The following TRAF6 variants were observed in gnomAD, a reference collection of about 807,000 sequenced individuals.
The protein encoded by TRAF6 is TNF receptor associated factor 6.
In TRAF6, 10 loss-of-function variants were observed where a neutral mutation model predicts 48.4. The ratio of observed to expected loss-of-function variants is 0.21; its 90% confidence interval spans 0.13 to 0.35. The LOEUF (loss-of-function observed/expected upper bound fraction) is 0.35, where lower values mean the gene tolerates loss of function less well. Ranked by LOEUF, TRAF6 falls within the 10% of genes least tolerant of loss-of-function variation. The probability of loss-of-function intolerance (pLI) is 1.00; values close to 1 mark genes in which losing one functional copy is unlikely to be tolerated. For synonymous variants in TRAF6, 186 were observed against 219.6 expected (o/e 0.85, Z 1.35); for missense variants, 397 against 661.0 (o/e 0.60, Z 4.38).
chr11:36,488,674 C>T lies in TRAF6; in HGVS notation c.*1164G>A, dbSNP rs2133662646. The T allele has an allele frequency of 6.6e-6, 1 of 152,306 alleles. No individual in the cohort carries two copies. The highest frequency in any genetic ancestry group is 2.1e-4 in the South Asian group (1 of 4,828). 9.4% of individuals were successfully genotyped at this position (152,306 alleles called of 1,614,324 possible). ...AAATCTGGTTACTTCCAGGATTCTA[C>T]AGGATCCTTCTCAGAACCTGCAGTT... On this transcript the variant is annotated 3_prime_UTR_variant, in exon 7 of 7. Transcript: ENST00000526995.
rs1392382813 is a variant in TRAF6, at chr11:36,484,216, A to C, written c.*5622T>G. Among the ~76,000 whole-genome samples the C allele has an allele frequency of 1.3e-5, 2 of 152,322 alleles. No homozygotes were observed. Among genetic ancestry groups the C allele is most frequent in the African/African-American group, 4.8e-5 (2 of 41,570 alleles). On this transcript the variant is annotated 3_prime_UTR_variant, in exon 7 of 7. Coordinates refer to ENST00000526995, the MANE Select transcript of TRAF6 (RefSeq NM_004620.4). ...GAGTGGTGGAAGATGTGCCACCTCA[A>C]ATCTGGATAATTCCTTTAATCCCTT...
chr11:36,501,597 CAT>C (rs796795129), intron 1 of TRAF6, 60 bp from the exon 2 acceptor site: 3 of 1,214,838 alleles, frequency 2.5e-6, no homozygotes, highest in East Asian at 4.9e-5. Context: ...ACACCCCACA[CAT>C]ATATATCATA....
intron 1 of TRAF6, among the ~76,000 whole-genome samples, chr11:36,503,825 C>A (rs758848920): frequency 6.6e-6 from 1 of 152,052 alleles, no homozygotes; most frequent in East Asian, 1.9e-4. Context: ...GGGTATATAT[C>A]CTTTGTTATT....
intron 6 of TRAF6, among the ~76,000 whole-genome samples, chr11:36,491,022 T>C (rs898862337): frequency 1.3e-5 from 2 of 152,330 alleles, no homozygotes; most frequent in South Asian, 4.1e-4. Context: ...TACTCAGTGA[T>C]TTTTCTTCAT....
chr11:36,501,711 TAA>T (rs1001490281), intron 1 of TRAF6, 174 bp from the exon 2 acceptor site: 2 of 425,690 alleles, frequency 4.7e-6, no homozygotes, highest in African/African-American at 4.0e-5. Context: ...ATGACTATTA[TAA>T]GTTACCTGAT....
intron 2 of TRAF6, among the ~76,000 whole-genome samples, chr11:36,498,926 G>T (rs939271282): frequency 6.6e-5 from 10 of 152,272 alleles, no homozygotes; most frequent in Middle Eastern, 3.4e-3. Flanking sequence ...GCTGAATAAG[G>T]TATTTTGATT....
intron 3 of TRAF6, 54 bp from the exon 4 acceptor site, chr11:36,497,320 T>C (rs1389221665): frequency 2.6e-6 from 4 of 1,525,842 alleles, no homozygotes; most frequent in Admixed American, 2.0e-5. Context: ...GTCTTCTACA[T>C]ATAAGCTCTC....
intron 2 of TRAF6, 73 bp from the exon 3 acceptor site, chr11:36,498,713 A>G: frequency 6.9e-7 from 1 of 1,440,250 alleles, no homozygotes; most frequent in Non-Finnish European, 9.3e-7. Context: ...TTAATTCACC[A>G]TATATAAATT....
rs1220624835 is a variant in TRAF6, at chr11:36,509,459, C to T, written c.-23+589G>A. ...TTTTTAAACTCGCTGCCTGAGACTTCTATAGAGTTCAACAGGGAATCCAAA... is the reference window on the plus strand; with the variant it reads ...TTTTTAAACTCGCTGCCTGAGACTTTTATAGAGTTCAACAGGGAATCCAAA... On this transcript the variant is annotated intron_variant, in intron 1 of 6. Transcript: ENST00000526995. 3.3e-5 allele frequency among the ~76,000 whole-genome samples: 5 copies of T among 151,530 alleles called. No homozygotes were observed. The East Asian group carries it at 9.7e-4, about 29-fold the overall frequency.
chr11:36,492,416 C>T, intron 6 of TRAF6, 135 bp downstream of exon 6: 1 of 730,092 alleles, frequency 1.4e-6, no homozygotes, highest in East Asian at 2.8e-5. Flanking sequence ...CTCACAGCAT[C>T]CATGAATAAC....
In TRAF6 at chr11:36,486,085, C is replaced by A. The variant is rs1859479582; in HGVS notation, c.*3753G>T. On this transcript the variant is annotated 3_prime_UTR_variant, in exon 7 of 7. Coordinates refer to ENST00000526995, the MANE Select transcript of TRAF6 (RefSeq NM_004620.4). ...ACAGTGTTGCACTCTGTCACCCAGG[C>A]TGGGGGTGCAGTGGCATGATCTTGG... is the stretch of plus-strand genomic sequence containing the variant. 0.017 allele frequency among the ~76,000 whole-genome samples: 1 copy of A among 58 alleles called. No homozygotes were observed. The highest frequency in any genetic ancestry group is 0.25 in the East Asian group (1 of 4). 0.0% of individuals were successfully genotyped at this position (58 alleles called of 152,430 possible).
chr11:36,507,209 T>C (rs1311812044), intron 1 of TRAF6, among the ~76,000 whole-genome samples: 1 of 8,660 alleles, frequency 1.2e-4, no homozygotes, highest in African/African-American at 4.3e-4. Context: ...GTATTATACA[T>C]ACATAAATGT....
intron 2 of TRAF6, among the ~76,000 whole-genome samples, chr11:36,499,393 T>A (rs1189905248): frequency 6.6e-6 from 1 of 152,058 alleles, no homozygotes; most frequent in African/African-American, 2.4e-5. Flanking sequence ...TGTTCATTTT[T>A]AAAAAGCTTA....
intron 1 of TRAF6, among the ~76,000 whole-genome samples, chr11:36,509,374 T>TC (rs1416280205): frequency 6.6e-6 from 1 of 151,536 alleles, no homozygotes. Flanking sequence ...GAACAATCGC[T>TC]CGAACTACCG....
At chr11:36,509,166 C>T (rs1859858873) in intron 1 of TRAF6, among the ~76,000 whole-genome samples, 1 of 152,194 alleles carries the variant, frequency 6.6e-6, no homozygotes, top group Non-Finnish European at 1.5e-5. Context: ...CAGTTTTTCT[C>T]GTTTCTACAT....
intron 1 of TRAF6, among the ~76,000 whole-genome samples, chr11:36,502,823 A>C (rs958804800): frequency 6.6e-6 from 1 of 152,136 alleles, no homozygotes; most frequent in African/African-American, 2.4e-5. Flanking sequence ...TCTGTGCTTC[A>C]ATTTTCTCAT....
chr11:36,503,317 C>T (rs1859742385), intron 1 of TRAF6, among the ~76,000 whole-genome samples: 1 of 142,922 alleles, frequency 7.0e-6, no homozygotes, highest in Non-Finnish European at 1.5e-5. Context: ...TTTTTTGAGA[C>T]AGAGTCTCAC....
chr11:36,496,927 C>T (rs1400858840), intron 4 of TRAF6, among the ~76,000 whole-genome samples, 181 bp downstream of exon 4: 1 of 152,202 alleles, frequency 6.6e-6, no homozygotes, highest in Non-Finnish European at 1.5e-5. Context: ...ACAAATTCTA[C>T]ACTTATGTAC....
chr11:36,497,415 CT>C, intron 3 of TRAF6, 149 bp from the exon 4 acceptor site: 2 of 676,110 alleles, frequency 3.0e-6, no homozygotes, highest in South Asian at 3.9e-5. Context: ...ATATGAACGT[CT>C]TTAGCGAATT....
Sources: allele counts gnomAD v4.1 joint callset (sites outside exome capture counted in the v4.1 genomes callset), GRCh38; gene constraint gnomAD v4.1.1; transcripts MANE v1.5; gene names NCBI Gene and HGNC (gene_info 2026-07-23, HGNC 2026-07-21).